NTMT2: variants seen among roughly 807,000 people sequenced by gnomAD.
NTMT2 encodes X-Pro-Lys N-terminal protein methyltransferase 1B.
In NTMT2, 21 loss-of-function variants were observed where a neutral mutation model predicts 23.4. That is an observed-to-expected ratio of 0.90 (90% CI 0.64 to 1.29). The LOEUF (loss-of-function observed/expected upper bound fraction) is 1.29, where lower values mean the gene tolerates loss of function less well. NTMT2 is among the 50% of genes most tolerant of loss of function. NTMT2 has a pLI of 0.00. For synonymous variants in NTMT2, 131 were observed against 127.7 expected, an observed-to-expected ratio of 1.03 and a Z score of -0.17; for missense variants, 336 against 352.0, an observed-to-expected ratio of 0.95 and a Z score of 0.36.
chr1:170,166,284 C>A (rs12744233), intron 2 of NTMT2, among the ~76,000 whole-genome samples: 4,208 of 141,728 alleles, frequency 0.03, 67 homozygotes, highest in Non-Finnish European at 0.046. Flanking sequence ...GGACTACAGG[C>A]GCCCACCATC....
At chr1:170,157,281 G>A (rs550575) in intron 1 of NTMT2, among the ~76,000 whole-genome samples, 101,316 of 151,950 alleles carry the variant, frequency 0.67, 34,785 homozygotes, top group East Asian at 0.87. Flanking sequence ...TAATTTGTAT[G>A]TAAAATAGCA....
At chr1:170,155,615 T>C (rs944549263) in intron 1 of NTMT2, among the ~76,000 whole-genome samples, 1 of 152,150 alleles carries the variant, frequency 6.6e-6, no homozygotes, top group Non-Finnish European at 1.5e-5. Flanking sequence ...AGCTTACTTG[T>C]CTTCTGAAGA....
intron 1 of NTMT2, among the ~76,000 whole-genome samples, chr1:170,152,626 G>C (rs1473312615): frequency 6.6e-6 from 1 of 152,062 alleles, no homozygotes; most frequent in African/African-American, 2.4e-5. Context: ...GGTTCCTCTG[G>C]GCAATCCAGA....
In NTMT2 at chr1:170,166,724, G is replaced by A; in HGVS notation, c.553G>A (p.Asp185Asn). The change falls in exon 3 of 4, where the codon GAT (aspartate) becomes AAT (asparagine). Residue 185 changes from aspartate to asparagine, a missense_variant. Asp to Asn is a conservative substitution (Grantham distance 23, BLOSUM62 1). Transcript: ENST00000439373. Reference sequence around the variant, plus strand: ...ATTCACACCCCCCTTCAGGAGATATGATGTCATCTGGATTCAGTGGGTCTC... The same window carrying A: ...ATTCACACCCCCCTTCAGGAGATATAATGTCATCTGGATTCAGTGGGTCTC... ...QEFTPPFRRY[D>N]VIWIQWVSGH... is the part of the protein sequence containing the mutation. 6.4e-7 allele frequency: 1 copy of A among 1,552,322 alleles called. No homozygotes were observed. Among genetic ancestry groups the A allele is most frequent in the African/African-American group, 1.4e-5 (1 of 73,158 alleles).
chr1:170,164,630 C>T (rs1571827009), intron 2 of NTMT2, among the ~76,000 whole-genome samples: 1 of 152,326 alleles, frequency 6.6e-6, no homozygotes, highest in East Asian at 1.9e-4. Context: ...CATCACTAAT[C>T]AATCATAGAT....
At position 170,150,916 on chromosome 1, in the gene NTMT2, G is replaced by A. The variant is rs554364537; in HGVS notation, c.154+4655G>A. On this transcript the variant is annotated intron_variant, in intron 1 of 3. Transcript: ENST00000439373. ...GGAGATGTTGGGACAACATCTCCAT[G>A]TTTAGTAACAATCATTGAGGAATAA... 2.0e-4 allele frequency among the ~76,000 whole-genome samples: 31 copies of A among 152,242 alleles called. 1 individual carries two copies. The South Asian group carries it at 6.4e-3, about 32-fold the overall frequency.
intron 1 of NTMT2, among the ~76,000 whole-genome samples, chr1:170,149,293 T>TATTA (rs1673023402): frequency 6.6e-6 from 1 of 152,264 alleles, no homozygotes; most frequent in African/African-American, 2.4e-5. Flanking sequence ...TTTCCTCTAA[T>TATTA]GGCAGAAGCC....
intron 2 of NTMT2, among the ~76,000 whole-genome samples, chr1:170,166,143 T>TC (rs1388349765): frequency 8.2e-5 from 10 of 122,056 alleles, no homozygotes; most frequent in Admixed American, 1.6e-4. Flanking sequence ...TTTTTTTCTT[T>TC]TTTTTTTTTT....
At chr1:170,166,202 C>CA (rs1488314168) in intron 2 of NTMT2, among the ~76,000 whole-genome samples, 1 of 136,178 alleles carries the variant, frequency 7.3e-6, no homozygotes, top group African/African-American at 2.8e-5. Context: ...TGCAGTGGCG[C>CA]AATCTCGGCT....
At chr1:170,151,850 T>C (rs1168541538) in intron 1 of NTMT2, among the ~76,000 whole-genome samples, 2 of 152,138 alleles carry the variant, frequency 1.3e-5, no homozygotes, top group Non-Finnish European at 1.5e-5. Flanking sequence ...AATGGATATA[T>C]AATGTTTATC....
chr1:170,163,396 C>T (rs78645780), intron 2 of NTMT2, among the ~76,000 whole-genome samples: 4,149 of 152,230 alleles, frequency 0.027, 82 homozygotes, highest in South Asian at 0.046. Context: ...GTTTTGTTTT[C>T]CTTTCAACAC....
At chr1:170,163,569 G>A (rs1673313489) in intron 2 of NTMT2, among the ~76,000 whole-genome samples, 1 of 152,118 alleles carries the variant, frequency 6.6e-6, no homozygotes, top group African/African-American at 2.4e-5. Context: ...AAACCCCTCA[G>A]TATTTTTTTG....
chr1:170,166,523 G>A lies in NTMT2; in HGVS notation c.352G>A (p.Asp118Asn). ...GCAGGGGCCTGGGAGAGCTGGAACAGACTGCGCCTTGGACTGCGGCTCCGG... is the reference window on the plus strand; with the variant it reads ...GCAGGGGCCTGGGAGAGCTGGAACAAACTGCGCCTTGGACTGCGGCTCCGG... ...FVGGPGRAGTDCALDCGSGIG... is the reference protein window; with the variant it reads ...FVGGPGRAGTNCALDCGSGIG... Residue 118 changes from aspartate to asparagine, a missense_variant, in exon 3 of 4, where the codon GAC becomes AAC. Transcript: ENST00000439373. 6.4e-7 allele frequency: 1 copy of A among 1,552,310 alleles called. No individual in the cohort carries two copies. The highest frequency in any genetic ancestry group is 8.7e-7 in the Non-Finnish European group (1 of 1,147,132).
At chr1:170,166,874 T>C (rs940807329) in intron 3 of NTMT2, 123 bp downstream of exon 3, 1 of 1,007,798 alleles carries the variant, frequency 9.9e-7, no homozygotes, top group Middle Eastern at 3.0e-4. Flanking sequence ...TAGCTAGCCT[T>C]AGGTGTCATG....
chr1:170,155,548 G>T (rs1673149450), intron 1 of NTMT2, among the ~76,000 whole-genome samples: 1 of 151,756 alleles, frequency 6.6e-6, no homozygotes, highest in Non-Finnish European at 1.5e-5. Flanking sequence ...GTTACAAAGG[G>T]CTAACTTGAT....
intron 1 of NTMT2, among the ~76,000 whole-genome samples, chr1:170,153,814 A>C (rs1673114948): frequency 6.6e-6 from 1 of 152,236 alleles, no homozygotes; most frequent in South Asian, 2.1e-4. Flanking sequence ...TTTCAGAGTA[A>C]GAATTAAAGT....
At position 170,168,126 on chromosome 1, in the gene NTMT2, T is replaced by C. The variant is rs1315739532; in HGVS notation, c.*369T>C. On this transcript the variant is annotated 3_prime_UTR_variant, in exon 4 of 4. Coordinates refer to ENST00000439373, the MANE Select transcript of NTMT2 (RefSeq NM_001136107.2). ...TCTTTCACAACATCCTAGACAAAAA[T>C]GGTGGTTTTTTTTTTGTTTTTCCAT... 7.3e-6 allele frequency among the ~76,000 whole-genome samples: 1 copy of C among 137,450 alleles called. No homozygotes were observed. The highest frequency in any genetic ancestry group is 3.0e-5 in the African/African-American group (1 of 33,862). The allele number at this position is 137,450 out of a possible 152,430, so 90.2% of individuals were successfully genotyped here.
At chr1:170,162,314 C>T (rs1054119055) in intron 2 of NTMT2, among the ~76,000 whole-genome samples, 13 of 152,114 alleles carry the variant, frequency 8.5e-5, no homozygotes, top group Admixed American at 5.2e-4. Flanking sequence ...GGCCATCAAC[C>T]GATTTAGTAG....
chr1:170,157,348 AATCT>A (rs1173251043), intron 1 of NTMT2, among the ~76,000 whole-genome samples: 1 of 152,170 alleles, frequency 6.6e-6, no homozygotes, highest in East Asian at 1.9e-4. Flanking sequence ...TTAAAATAAC[AATCT>A]ATGTATAATA....
Sources: allele counts gnomAD v4.1 joint callset (sites outside exome capture counted in the v4.1 genomes callset), GRCh38; gene constraint gnomAD v4.1.1; transcripts MANE v1.5; gene names NCBI Gene and HGNC (gene_info 2026-07-23, HGNC 2026-07-21).